The following LARS1 variants were observed in gnomAD, a reference collection of about 807,000 sequenced individuals.
LARS1 encodes leucine--tRNA ligase, cytoplasmic.
Under a neutral mutation model 162.8 loss-of-function variants are expected in LARS1, and 100 were observed. That is an observed-to-expected ratio of 0.61 (90% CI 0.52 to 0.73). The LOEUF is 0.73. Ranked by LOEUF, LARS1 falls within the 30% of genes least tolerant of loss-of-function variation. The probability of loss-of-function intolerance (pLI) is 0.00; values close to 1 mark genes in which losing one functional copy is unlikely to be tolerated. For missense variants in LARS1, 1,258 were observed against 1,408.9 expected (o/e 0.89, Z 1.71); for synonymous variants, 457 against 462.8 (o/e 0.99, Z 0.16).
intron 14 of LARS1, 120 bp downstream of exon 14, chr5:146,151,742 T>G: frequency 1.0e-5 from 9 of 902,502 alleles, no homozygotes; most frequent in Non-Finnish European, 1.5e-5. Context: ...CATTCTCATA[T>G]TAAGCTCTCA....
In LARS1 at chr5:146,157,890, T is replaced by C. The variant is rs115990605; in HGVS notation, c.772-95A>G. On this transcript the variant is annotated intron_variant, in intron 8 of 31. Transcript: ENST00000394434. ...AGAGATCTGATTCAAGTCCCTAAAA[T>C]GGGTTCTTGCATTATTAATTTTTTT... 4.9e-4 allele frequency: 595 copies of C among 1,226,456 alleles called. 5 individuals are homozygous for C. The African/African-American group carries it at 7.9e-3, about 16-fold the overall frequency. The allele number at this position is 1,226,456 out of a possible 1,614,324, so 76.0% of individuals were successfully genotyped here.
intron 22 of LARS1, among the ~76,000 whole-genome samples, chr5:146,134,490 T>C (rs1465101429): frequency 1.3e-5 from 2 of 152,200 alleles, no homozygotes; most frequent in African/African-American, 4.8e-5. Context: ...TAAAAAGAAG[T>C]ACCATGATGA....
rs1305065729 is a variant in LARS1 at position 146,113,865 on chromosome 5, T to G, written c.*241A>C. 2.1e-6 allele frequency: 1 copy of G among 474,920 alleles called. No individual in the cohort carries two copies. Among genetic ancestry groups the G allele is most frequent in the African/African-American group, 1.9e-5 (1 of 51,818 alleles). 29.4% of individuals were successfully genotyped at this position (474,920 alleles called of 1,614,324 possible). A position where few individuals can be genotyped will look rare whatever the true frequency, so the allele number is the denominator to read the frequency against. ...CTTCTAGGAAATAGCAACAATTTGT[T>G]TTTTAAAAAGAGTTTGGCAAAAACC... On this transcript the variant is annotated 3_prime_UTR_variant, in exon 32 of 32. Transcript: ENST00000394434.
At chr5:146,158,952 T>C (rs2962508) in intron 8 of LARS1, among the ~76,000 whole-genome samples, 150,162 of 151,614 alleles carry the variant, frequency 0.99, 74,379 homozygotes, top group East Asian at 1. Context: ...AAAAATTAGC[T>C]GGGTGTGGTG....
rs1442995536 is a variant in LARS1 at position 146,159,505 on chromosome 5, T to C, written c.708-35A>G. The stretch of plus-strand genomic sequence containing the variant: ...AAACAAAAAGTGACAAACATTATTA[T>C]AATATTCACGTTTTATCCTACCATA... On this transcript the variant is annotated intron_variant, in intron 7 of 31. Transcript: ENST00000394434. 13 of 1,496,480 alleles carry C rather than the reference T, an allele frequency of 8.7e-6. 1 individual carries two copies. The highest frequency in any genetic ancestry group is 5.5e-5 in the African/African-American group (4 of 72,466). The allele number at this position is 1,496,480 out of a possible 1,614,324, so 92.7% of individuals were successfully genotyped here.
intron 20 of LARS1, among the ~76,000 whole-genome samples, chr5:146,141,632 C>T (rs957800886): frequency 2.0e-5 from 3 of 151,354 alleles, no homozygotes; most frequent in African/African-American, 7.3e-5. Context: ...AGTGAGACCT[C>T]GTCTCTACAA....
intron 2 of LARS1, among the ~76,000 whole-genome samples, chr5:146,174,220 C>T (rs1448904990): frequency 4.3e-5 from 6 of 139,550 alleles, no homozygotes; most frequent in Admixed American, 7.4e-5. Context: ...GAGGCGGAGG[C>T]GGGCGGATCA....
At chr5:146,144,743 T>C (rs1752939936) in intron 15 of LARS1, 34 bp from the exon 16 acceptor site, 1 of 1,536,314 alleles carries the variant, frequency 6.5e-7, no homozygotes, top group Non-Finnish European at 9.0e-7. Flanking sequence ...CATTAGATAC[T>C]ATGTCAAATC....
chr5:146,144,718 A>G lies in LARS1; in HGVS notation c.1504-9T>C, dbSNP rs370220991. 15 of 1,607,372 alleles carry G rather than the reference A, an allele frequency of 9.3e-6. No individual in the cohort carries two copies. The African/African-American group carries it at 1.7e-4, about 19-fold the overall frequency. On this transcript the variant is annotated splice_polypyrimidine_tract_variant and intron_variant, in intron 15 of 31. Transcript: ENST00000394434. Reference sequence around the variant, plus strand: ...TAAATAAGTGCATCTCCCTAAAGGAAGGTAAATAAACATACATTAGATACT... The same window carrying G: ...TAAATAAGTGCATCTCCCTAAAGGAGGGTAAATAAACATACATTAGATACT...
chr5:146,163,876 C>T (rs143737802), intron 6 of LARS1, among the ~76,000 whole-genome samples: 133 of 152,068 alleles, frequency 8.7e-4, no homozygotes, highest in African/African-American at 3.1e-3. Context: ...CACTTAGAGG[C>T]CATTATAAGG....
chr5:146,149,607 T>TCAC lies in LARS1; in HGVS notation c.1503+14_1503+15insGTG. On this transcript the variant is annotated intron_variant, in intron 15 of 31. Coordinates refer to ENST00000394434, the MANE Select transcript of LARS1 (RefSeq NM_020117.11). Reference sequence around the variant, plus strand: ...CTCTTCTAAAACAGCCTTCAGAGCATAGCCTATCACATACAGCGTCAATCA... The same window carrying TCAC: ...CTCTTCTAAAACAGCCTTCAGAGCATCACAGCCTATCACATACAGCGTCAATCA... 6.3e-7 allele frequency: 1 copy of TCAC among 1,591,036 alleles called. No homozygotes were observed. The highest frequency in any genetic ancestry group is 1.1e-5 in the South Asian group (1 of 90,590).
At position 146,143,569 on chromosome 5, in the gene LARS1, C is replaced by T. The variant is rs778950721; in HGVS notation, c.1739-19G>A. On this transcript the variant is annotated intron_variant, in intron 18 of 31. Transcript: ENST00000394434. Reference sequence around the variant, plus strand: ...TGAGTGCCTGAAAAATAAAAAGTAACGCATGAGGAACCTGAGAGACATTTC... The same window carrying T: ...TGAGTGCCTGAAAAATAAAAAGTAATGCATGAGGAACCTGAGAGACATTTC... 1.4e-5 allele frequency: 22 copies of T among 1,609,818 alleles called. No individual in the cohort carries two copies. The highest frequency in any genetic ancestry group is 6.7e-5 in the Admixed American group (4 of 59,894).
chr5:146,162,255 T>C (rs1039974101), intron 6 of LARS1, among the ~76,000 whole-genome samples: 3 of 152,374 alleles, frequency 2.0e-5, no homozygotes, highest in South Asian at 2.1e-4. Flanking sequence ...TTATAAAATG[T>C]ATCTCTTAAA....
At chr5:146,155,837 T>A (rs1753502273) in intron 10 of LARS1, among the ~76,000 whole-genome samples, 1 of 152,230 alleles carries the variant, frequency 6.6e-6, no homozygotes, top group Non-Finnish European at 1.5e-5. Flanking sequence ...CCCAAGAACT[T>A]CTCAGACAAA....
intron 5 of LARS1, among the ~76,000 whole-genome samples, chr5:146,167,531 G>A (rs1239549798): frequency 6.6e-6 from 1 of 151,982 alleles, no homozygotes; most frequent in African/African-American, 2.4e-5. Flanking sequence ...AGCCTCCCGA[G>A]TAGCTGGGAA....
chr5:146,147,918 A>G (rs1753091020), intron 15 of LARS1, among the ~76,000 whole-genome samples: 1 of 152,200 alleles, frequency 6.6e-6, no homozygotes, highest in African/African-American at 2.4e-5. Context: ...ACAAGCCTCC[A>G]AAGTCAGGGG....
intron 22 of LARS1, among the ~76,000 whole-genome samples, chr5:146,134,361 A>G (rs886378510): frequency 6.6e-6 from 1 of 152,166 alleles, no homozygotes; most frequent in African/African-American, 2.4e-5. Flanking sequence ...AAGTGGTTTC[A>G]TAATTGCTTA....
intron 21 of LARS1, among the ~76,000 whole-genome samples, chr5:146,136,081 T>C (rs954402183): frequency 6.6e-6 from 1 of 152,230 alleles, no homozygotes; most frequent in Non-Finnish European, 1.5e-5. Flanking sequence ...AACCCTCCTA[T>C]CATTAGGGTC....
intron 10 of LARS1, 44 bp downstream of exon 10, chr5:146,157,359 T>C (rs1311559658): frequency 6.5e-7 from 1 of 1,535,208 alleles, no homozygotes; most frequent in African/African-American, 1.4e-5. Context: ...GAAATTTTCC[T>C]TGAAATTTAC....
Sources: allele counts gnomAD v4.1 joint callset (sites outside exome capture counted in the v4.1 genomes callset), GRCh38; gene constraint gnomAD v4.1.1; transcripts MANE v1.5; gene names NCBI Gene and HGNC (gene_info 2026-07-23, HGNC 2026-07-21).